Variants in TTC23 observed in about 807,000 individuals in gnomAD.
The protein encoded by TTC23 is tetratricopeptide repeat domain 23, also known as tetratricopeptide repeat protein 23.
Under a neutral mutation model 55.1 loss-of-function variants are expected in TTC23, and 58 were observed. That is an observed-to-expected ratio of 1.05 (90% CI 0.85 to 1.31). The LOEUF (loss-of-function observed/expected upper bound fraction) is 1.31, where lower values mean the gene tolerates loss of function less well. Ranked by LOEUF, TTC23 falls within the 50% of genes most tolerant of loss-of-function variation. The pLI is 0.00. For synonymous variants in TTC23, 203 were observed against 199.9 expected (o/e 1.02, Z -0.13); for missense variants, 516 against 534.4 (o/e 0.97, Z 0.34).
At position 99,221,866 on chromosome 15, in the gene TTC23, T is replaced by C. The variant is rs752565262; in HGVS notation, c.181-2A>G. ...AAGCTCATGGACGGCCTGTTTGTAC[T>C]GTTAGGAAGAGAAAACAGGCTTACC... On this transcript the variant is annotated splice_acceptor_variant, in intron 5 of 13. Coordinates refer to ENST00000394132, the MANE Select transcript of TTC23 (RefSeq NM_001288615.3). LOFTEE classifies it high-confidence loss of function. 5.6e-6 allele frequency: 9 copies of C among 1,613,478 alleles called. No individual in the cohort carries two copies. In the South Asian group the frequency reaches 9.9e-5, roughly 18 times the overall value.
chr15:99,247,813 A>AAATTTTCTAGGATGATGAAAATTTTCTG (rs2080386610), intron 1 of TTC23, among the ~76,000 whole-genome samples: 1 of 151,544 alleles, frequency 6.6e-6, no homozygotes, highest in Non-Finnish European at 1.5e-5. Flanking sequence ...AAAATTTTCT[A>AAATTTTCTAGGATGATGAAAATTTTCTG]AATTTTCTAG....
intron 9 of TTC23, among the ~76,000 whole-genome samples, chr15:99,176,551 T>G (rs1398126593): frequency 2.0e-5 from 3 of 152,110 alleles, no homozygotes; most frequent in Admixed American, 1.3e-4. Flanking sequence ...AGGTTGAGGC[T>G]GCAATGAGTT....
chr15:99,217,635 T>G (rs1193404715), intron 8 of TTC23, among the ~76,000 whole-genome samples: 2 of 152,142 alleles, frequency 1.3e-5, no homozygotes, highest in Non-Finnish European at 2.9e-5. Flanking sequence ...TACCAGAGGA[T>G]TTGCACAGAT....
chr15:99,160,403 CAAT>C (rs1417272876), intron 11 of TTC23: 2 of 151,994 alleles, frequency 1.3e-5, no homozygotes, highest in East Asian at 3.9e-4. Flanking sequence ...ATAAAAATAA[CAAT>C]ACAACAATAA....
chr15:99,203,986 T>C (rs560920131), intron 8 of TTC23, among the ~76,000 whole-genome samples: 8 of 152,292 alleles, frequency 5.3e-5, no homozygotes, highest in African/African-American at 1.9e-4. Context: ...GATATACTGA[T>C]TTCCTTTTTG....
chr15:99,211,521 G>T (rs2077039377), intron 8 of TTC23, among the ~76,000 whole-genome samples: 1 of 152,192 alleles, frequency 6.6e-6, no homozygotes, highest in African/African-American at 2.4e-5. Context: ...ACCAAGGGCA[G>T]TCTTGAAGTA....
At chr15:99,177,753 A>G (rs1010390195) in intron 9 of TTC23, among the ~76,000 whole-genome samples, 3 of 152,238 alleles carry the variant, frequency 2.0e-5, no homozygotes, top group African/African-American at 7.2e-5. Flanking sequence ...ATTCAAGAAA[A>G]TGTTAATAGA....
chr15:99,224,311 G>C (rs549202580), intron 5 of TTC23, among the ~76,000 whole-genome samples: 1 of 152,310 alleles, frequency 6.6e-6, no homozygotes, highest in Admixed American at 6.5e-5. Flanking sequence ...TTACCGCCTA[G>C]AGATATCTAG....
chr15:99,191,823 G>A (rs1364296057), intron 9 of TTC23, among the ~76,000 whole-genome samples: 1 of 152,174 alleles, frequency 6.6e-6, no homozygotes, highest in African/African-American at 2.4e-5. Context: ...GGAACAGTTT[G>A]GAGGGCTCAG....
rs1176365988 is a variant in TTC23 at position 99,218,590 on chromosome 15, T to G, written c.579A>C (p.Ala193=). 12 of 1,614,172 alleles carry G rather than the reference T, an allele frequency of 7.4e-6. No individual in the cohort carries two copies. Among genetic ancestry groups the G allele is most frequent in the Non-Finnish European group, 1.0e-5 (12 of 1,180,018 alleles). The change falls in exon 8 of 14, where the codon GCA becomes GCC. Residue 193 remains alanine (A), a splice_region_variant and synonymous_variant. Coordinates refer to ENST00000394132, the MANE Select transcript of TTC23 (RefSeq NM_001288615.3). ...AAAATCCTAAACTTGAAACTTACTGTGCAAATGATAATCTGATCCGTGCTT... is the reference window on the plus strand; with the variant it reads ...AAAATCCTAAACTTGAAACTTACTGGGCAAATGATAATCTGATCCGTGCTT... ...EIEARIRLSF[A]QVYQGQKKSK... is the part of the protein sequence containing the mutation.
chr15:99,165,873 T>C (rs2072001945), intron 10 of TTC23, among the ~76,000 whole-genome samples: 4 of 152,208 alleles, frequency 2.6e-5, no homozygotes. Context: ...GAGATGAACA[T>C]TCATGTCTAA....
intron 5 of TTC23, among the ~76,000 whole-genome samples, chr15:99,224,101 C>T (rs1464960210): frequency 6.6e-6 from 1 of 152,158 alleles, no homozygotes; most frequent in Non-Finnish European, 1.5e-5. Context: ...AAATACACAG[C>T]CAGACAGTTG....
intron 10 of TTC23, among the ~76,000 whole-genome samples, chr15:99,162,600 C>T (rs2071520455): frequency 6.6e-6 from 1 of 152,112 alleles, no homozygotes; most frequent in Non-Finnish European, 1.5e-5. Context: ...GCCTGAGGCT[C>T]ATTTGTGGTG....
In TTC23 at chr15:99,205,311, A is replaced by AT. The variant is rs200071486; in HGVS notation, c.582-5216dup. On this transcript the variant is annotated intron_variant, in intron 8 of 13. Transcript: ENST00000394132. ...TTCGTGGTTCCACATAAACTTTAGG[A>AT]TTTTTTTTTTCTATTTCAATGAAGA... 6.9e-3 allele frequency among the ~76,000 whole-genome samples: 1,034 copies of AT among 149,856 alleles called. 20 individuals are homozygous for AT. The highest frequency in any genetic ancestry group is 0.063 in the East Asian group (326 of 5,136).
In TTC23 at chr15:99,175,102, C is replaced by T. The variant is rs778925804; in HGVS notation, c.813G>A (p.Ser271=). The change falls in exon 10 of 14, where the codon TCG becomes TCA. Residue 271 remains serine, a synonymous_variant. Transcript: ENST00000394132. ...RSPSQVEAAD[S]AHIVAHAAVA... ...CAGCAGCATGGGCGACGATGTGTGC[C>T]GAGTCTGCTGCCTCCACTTGAGAGG... 1.7e-5 allele frequency: 27 copies of T among 1,614,028 alleles called. No homozygotes were observed. The highest frequency in any genetic ancestry group is 1.6e-4 in the Middle Eastern group (1 of 6,084).
chr15:99,176,890 C>A (rs1331988069), intron 9 of TTC23, among the ~76,000 whole-genome samples: 1 of 152,198 alleles, frequency 6.6e-6, no homozygotes, highest in African/African-American at 2.4e-5. Context: ...GTCCTGAGTG[C>A]TGCCATTCCC....
At chr15:99,139,700 G>A in intron 12 of TTC23, 5 of 1,373,652 alleles carry the variant, frequency 3.6e-6, no homozygotes, top group Non-Finnish European at 4.8e-6. Flanking sequence ...ACTGACCAGA[G>A]GATGGGCTCC....
chr15:99,251,163 G>A (rs2080716801), upstream of TTC23: 2 of 152,226 alleles, frequency 1.3e-5, no homozygotes, highest in Non-Finnish European at 2.9e-5. Flanking sequence ...ACCCCTTCAA[G>A]ACGCTAAGCA....
intron 12 of TTC23, among the ~76,000 whole-genome samples, chr15:99,147,339 C>T (rs2069048715): frequency 6.6e-6 from 1 of 151,672 alleles, no homozygotes; most frequent in Admixed American, 6.6e-5. Flanking sequence ...CATTCTCCTG[C>T]CTCAGCCTCC....
Sources: allele counts gnomAD v4.1 joint callset (sites outside exome capture counted in the v4.1 genomes callset), GRCh38; gene constraint gnomAD v4.1.1; transcripts MANE v1.5; gene names NCBI Gene and HGNC (gene_info 2026-07-23, HGNC 2026-07-21).